Variants in STK32B observed in about 807,000 individuals in gnomAD.
STK32B encodes the protein serine/threonine kinase 32B.
STK32B carries 43 observed loss-of-function variants against 52.6 expected under a neutral mutation model. The ratio of observed to expected loss-of-function variants is 0.82; its 90% CI spans 0.64 to 1.05. The LOEUF (loss-of-function observed/expected upper bound fraction) is 1.05, where lower values mean the gene tolerates loss of function less well. Ranked by LOEUF, STK32B falls within the 50% of genes least tolerant of loss-of-function variation. The pLI is 0.00. For missense variants in STK32B, 621 were observed against 534.6 expected, an observed-to-expected ratio of 1.16 and a Z score of -1.59; for synonymous variants, 238 against 204.3, an observed-to-expected ratio of 1.17 and a Z score of -1.41.
intron 7 of STK32B, among the ~76,000 whole-genome samples, chr4:5,450,195 G>A (rs1287806686): frequency 1.3e-5 from 2 of 152,146 alleles, no homozygotes; most frequent in African/African-American, 2.4e-5. Context: ...ACCCTGGCAG[G>A]CATGCTGATT....
chr4:5,311,835 C>T (rs6816275), intron 3 of STK32B, among the ~76,000 whole-genome samples: 3,592 of 151,646 alleles, frequency 0.024, 139 homozygotes, highest in African/African-American at 0.081. Flanking sequence ...TTCTATCAAA[C>T]GTTTGAGGAA....
the STK32B span, among the ~76,000 whole-genome samples, chr4:5,023,762 G>C: frequency 2.0e-5 from 3 of 151,994 alleles, no homozygotes. Context: ...TCTCCTCCCG[G>C]TGGCCATTTC....
intron 11 of STK32B, among the ~76,000 whole-genome samples, chr4:5,489,025 T>G (rs796123400): frequency 2.0e-5 from 3 of 152,154 alleles, no homozygotes; most frequent in African/African-American, 7.2e-5. Context: ...AGTAAAACTC[T>G]AGGACTCAAG....
At chr4:5,214,713 T>G (rs1341642734) in intron 3 of STK32B, among the ~76,000 whole-genome samples, 3 of 152,252 alleles carry the variant, frequency 2.0e-5, no homozygotes, top group Non-Finnish European at 2.9e-5. Flanking sequence ...TCAATTTCTT[T>G]GGCATTTCCT....
At chr4:5,207,504 G>A (rs1722646124) in intron 3 of STK32B, among the ~76,000 whole-genome samples, 1 of 152,062 alleles carries the variant, frequency 6.6e-6, no homozygotes, top group Non-Finnish European at 1.5e-5. Context: ...CAGCCATGTG[G>A]AACTGTGAGT....
intron 11 of STK32B, among the ~76,000 whole-genome samples, chr4:5,494,786 C>A (rs759831611): frequency 7.2e-5 from 11 of 152,184 alleles, no homozygotes; most frequent in Non-Finnish European, 1.3e-4. Flanking sequence ...GACAAAATCT[C>A]TCAGCGTTTG....
At chr4:5,179,570 T>C (rs1396077916) in intron 3 of STK32B, among the ~76,000 whole-genome samples, 1 of 152,082 alleles carries the variant, frequency 6.6e-6, no homozygotes, top group East Asian at 1.9e-4. Context: ...ATATAGATGA[T>C]AGATGATTAA....
At chr4:5,103,974 G>A (rs1713963301) in intron 1 of STK32B, among the ~76,000 whole-genome samples, 1 of 152,116 alleles carries the variant, frequency 6.6e-6, no homozygotes, top group South Asian at 2.1e-4. Flanking sequence ...TTGAATTGTT[G>A]AGTAGCATCT....
chr4:5,143,128 T>TGTCCGTCC lies in STK32B; in HGVS notation c.108+3171_108+3172insCGTCCGTC, dbSNP rs766306720. ...CTGTCTGTCTGTCTGTCTGTCTGTC[T>TGTCCGTCC]GTCTATCTGTCTGTCTATCTGTCCA... On this transcript the variant is annotated intron_variant, in intron 2 of 11. Coordinates refer to ENST00000282908, the MANE Select transcript of STK32B (RefSeq NM_018401.3). Among the ~76,000 whole-genome samples, 3 of 151,868 alleles carry TGTCCGTCC rather than the reference T, an allele frequency of 2.0e-5. No individual in the cohort carries two copies. The South Asian group carries it at 6.3e-4, about 32-fold the overall frequency.
chr4:5,153,231 G>A (rs576610655), intron 2 of STK32B, among the ~76,000 whole-genome samples: 1 of 152,306 alleles, frequency 6.6e-6, no homozygotes, highest in Non-Finnish European at 1.5e-5. Context: ...ACAGGGCATA[G>A]AGGAAAGGGT....
intron 1 of STK32B, among the ~76,000 whole-genome samples, chr4:5,053,210 G>A (rs1741857951): frequency 6.6e-6 from 1 of 152,176 alleles, no homozygotes; most frequent in Admixed American, 6.5e-5. Flanking sequence ...TAGTCTAATG[G>A]CCCTGAATGA....
At chr4:5,262,618 C>T (rs1022015282) in intron 3 of STK32B, among the ~76,000 whole-genome samples, 1 of 144,586 alleles carries the variant, frequency 6.9e-6, no homozygotes, top group Non-Finnish European at 1.5e-5. Flanking sequence ...GAGCGAGACT[C>T]CATCTCAAAA....
At chr4:5,316,166 AAT>A (rs202086233) in intron 3 of STK32B, among the ~76,000 whole-genome samples, 834 of 75,848 alleles carry the variant, frequency 0.011, 33 homozygotes, top group East Asian at 0.11. Context: ...TATATAACTA[AAT>A]ATATATATAA....
chr4:5,037,571 C>T, the STK32B span, among the ~76,000 whole-genome samples: 1 of 152,154 alleles, frequency 6.6e-6, no homozygotes, highest in Non-Finnish European at 1.5e-5. Flanking sequence ...ATATCAATTA[C>T]TCTACAGATA....
chr4:5,357,056 C>CAT (rs141576333), intron 4 of STK32B, among the ~76,000 whole-genome samples: 14,170 of 150,268 alleles, frequency 0.094, 1,088 homozygotes, highest in Admixed American at 0.19. Flanking sequence ...TACACACACA[C>CAT]ATATATACAC....
chr4:5,183,273 T>C (rs1384974396), intron 3 of STK32B, among the ~76,000 whole-genome samples: 1 of 151,172 alleles, frequency 6.6e-6, no homozygotes, highest in South Asian at 2.1e-4. Context: ...AGGTCAGGAG[T>C]TCAAGACCAG....
chr4:5,389,696 A>G (rs1736475609), intron 4 of STK32B, among the ~76,000 whole-genome samples: 1 of 152,058 alleles, frequency 6.6e-6, no homozygotes, highest in African/African-American at 2.4e-5. Context: ...CCATCACACT[A>G]CCTGGAAGGG....
At chr4:5,148,545 C>G (rs560478649) in intron 2 of STK32B, among the ~76,000 whole-genome samples, 6 of 151,696 alleles carry the variant, frequency 4.0e-5, no homozygotes, top group African/African-American at 1.2e-4. Flanking sequence ...GTCTTTGAAG[C>G]TTTTTTATTG....
chr4:5,473,949 T>C (rs1306085270), intron 11 of STK32B, among the ~76,000 whole-genome samples: 1 of 152,026 alleles, frequency 6.6e-6, no homozygotes, highest in Non-Finnish European at 1.5e-5. Context: ...GCCCCATCTC[T>C]AGTAAAATAC....
Sources: allele counts gnomAD v4.1 joint callset (sites outside exome capture counted in the v4.1 genomes callset), GRCh38; gene constraint gnomAD v4.1.1; transcripts MANE v1.5; gene names NCBI Gene and HGNC (gene_info 2026-07-23, HGNC 2026-07-21).